PATJ: variants seen among roughly 807,000 people sequenced by gnomAD.
PATJ encodes the protein inaD-like protein.
In PATJ, 190 loss-of-function variants were observed where a neutral mutation model predicts 224.9. That is an observed-to-expected ratio of 0.84 (90% CI 0.75 to 0.95). PATJ has a LOEUF of 0.95. PATJ is among the 40% of genes least tolerant of loss of function. The pLI is 0.00. For synonymous variants in PATJ, 769 were observed against 820.3 expected, an observed-to-expected ratio of 0.94 and a Z score of 1.07; for missense variants, 2,121 against 2,270.3, an observed-to-expected ratio of 0.93 and a Z score of 1.34.
intron 11 of PATJ, among the ~76,000 whole-genome samples, chr1:61,797,920 A>C (rs1356055276): frequency 1.3e-5 from 2 of 151,512 alleles, no homozygotes; most frequent in Non-Finnish European, 2.9e-5. Flanking sequence ...CTCGTGCCTC[A>C]GCCTCCCAAG....
intron 1 of PATJ, among the ~76,000 whole-genome samples, chr1:61,743,004 G>A (rs1184053993): frequency 6.6e-6 from 1 of 152,154 alleles, no homozygotes; most frequent in African/African-American, 2.4e-5. Flanking sequence ...TTCGCTCCCA[G>A]AGCTGGGCGG....
chr1:62,095,009 T>C (rs1661230660), intron 33 of PATJ, among the ~76,000 whole-genome samples: 1 of 152,220 alleles, frequency 6.6e-6, no homozygotes, highest in African/African-American at 2.4e-5. Flanking sequence ...TGACCCTTGC[T>C]GACTTCCCTT....
intron 30 of PATJ, among the ~76,000 whole-genome samples, chr1:62,047,635 C>T (rs968473029): frequency 1.3e-5 from 2 of 152,180 alleles, no homozygotes; most frequent in African/African-American, 4.8e-5. Flanking sequence ...CAGAACTAGA[C>T]ACACTAAGGA....
intron 32 of PATJ, among the ~76,000 whole-genome samples, chr1:62,083,643 A>G (rs1040888376): frequency 2.0e-5 from 3 of 152,204 alleles, no homozygotes; most frequent in Non-Finnish European, 4.4e-5. Context: ...GAACCCCGCA[A>G]GTAATTTTTG....
At chr1:62,010,512 A>G (rs1646384158) in intron 28 of PATJ, among the ~76,000 whole-genome samples, 1 of 139,070 alleles carries the variant, frequency 7.2e-6, no homozygotes, top group African/African-American at 2.7e-5. Flanking sequence ...TTTAGCTCCC[A>G]CATATGAGTG....
chr1:62,143,845 T>C (rs768014137), intron 41 of PATJ, among the ~76,000 whole-genome samples: 27 of 152,058 alleles, frequency 1.8e-4, no homozygotes, highest in Non-Finnish European at 4.0e-4. Context: ...GGCCCAGGAC[T>C]GCACCATGAG....
At chr1:62,153,138 A>G (rs1005323805) in intron 42 of PATJ, among the ~76,000 whole-genome samples, 8 of 152,242 alleles carry the variant, frequency 5.3e-5, no homozygotes, top group Admixed American at 3.9e-4. Context: ...GTTTTATGAA[A>G]GAGAAACCTC....
chr1:62,159,713 C>G (rs1407937973), intron 43 of PATJ, among the ~76,000 whole-genome samples: 1 of 151,916 alleles, frequency 6.6e-6, no homozygotes, highest in African/African-American at 2.4e-5. Context: ...GCCACCACGC[C>G]TGGCTAATTT....
intron 27 of PATJ, among the ~76,000 whole-genome samples, chr1:61,984,056 C>A (rs1644597994): frequency 6.6e-6 from 1 of 151,922 alleles, no homozygotes; most frequent in Admixed American, 6.6e-5. Context: ...AATTCCTGCC[C>A]TTAAGCAATC....
chr1:61,911,454 C>T (rs893767167), intron 25 of PATJ, among the ~76,000 whole-genome samples: 3 of 152,008 alleles, frequency 2.0e-5, no homozygotes, highest in Non-Finnish European at 2.9e-5. Flanking sequence ...CCTCGTGATC[C>T]GCCCACCTCG....
At chr1:61,792,720 G>A (rs1284714651) in intron 9 of PATJ, among the ~76,000 whole-genome samples, 1 of 152,054 alleles carries the variant, frequency 6.6e-6, no homozygotes, top group Non-Finnish European at 1.5e-5. Flanking sequence ...AGCTGAGACA[G>A]GGTTTCACTA....
intron 14 of PATJ, among the ~76,000 whole-genome samples, chr1:61,814,547 T>TGTGTGTGTGTGTGCGCGC (rs370488022): frequency 2.1e-4 from 30 of 142,570 alleles, no homozygotes; most frequent in African/African-American, 8.1e-4. Flanking sequence ...TGTGTGTGTG[T>TGTGTGTGTGTGTGCGCGC]GCGCGCGCGC....
At chr1:62,144,361 T>A (rs1390447641) in intron 41 of PATJ, among the ~76,000 whole-genome samples, 1 of 152,168 alleles carries the variant, frequency 6.6e-6, no homozygotes, top group Non-Finnish European at 1.5e-5. Flanking sequence ...GGCAGGCCTA[T>A]TTTCTTTCTT....
chr1:61,924,882 C>T (rs114545438), intron 26 of PATJ, among the ~76,000 whole-genome samples: 1,755 of 152,266 alleles, frequency 0.012, 26 homozygotes, highest in South Asian at 0.063. Flanking sequence ...AAGAGCTGTT[C>T]TTTCCAGTAG....
At chr1:62,033,695 G>A (rs1209592096) in intron 29 of PATJ, among the ~76,000 whole-genome samples, 1 of 152,168 alleles carries the variant, frequency 6.6e-6, no homozygotes, top group Non-Finnish European at 1.5e-5. Flanking sequence ...GGTAAATACT[G>A]ATAGCTGGCC....
intron 28 of PATJ, among the ~76,000 whole-genome samples, chr1:61,999,560 C>CG (rs1558017778): frequency 2.0e-5 from 3 of 151,838 alleles, no homozygotes; most frequent in Non-Finnish European, 2.9e-5. Context: ...CTCAGCTACT[C>CG]GGGGGGCTGA....
At chr1:62,063,414 A>G (rs1386729318) in intron 31 of PATJ, among the ~76,000 whole-genome samples, 2 of 152,072 alleles carry the variant, frequency 1.3e-5, no homozygotes, top group Non-Finnish European at 2.9e-5. Flanking sequence ...ATAGCTATAT[A>G]GTATAGTTTG....
rs1388287813 is a variant in PATJ, at chr1:61,742,570, C to G, written c.-36+15C>G. 1 of 152,320 alleles carries G rather than the reference C, an allele frequency of 6.6e-6. No homozygotes were observed. The highest frequency in any genetic ancestry group is 1.5e-5 in the Non-Finnish European group (1 of 68,186). 9.4% of individuals were successfully genotyped at this position (152,320 alleles called of 1,614,324 possible). A position where few individuals can be genotyped will look rare whatever the true frequency, so the allele number is the denominator to read the frequency against. On this transcript the variant is annotated intron_variant, in intron 1 of 43. Coordinates refer to ENST00000642238, the MANE Select transcript of PATJ (RefSeq NM_001350145.3). The stretch of plus-strand genomic sequence containing the variant: ...CAGCGCACCAGGTAAAGCGTGAGGT[C>G]CCGGCTGTGCAGTGCGCGCTCGCCC...
At chr1:62,057,605 A>C (rs961188879) in intron 31 of PATJ, among the ~76,000 whole-genome samples, 1 of 152,216 alleles carries the variant, frequency 6.6e-6, no homozygotes, top group Non-Finnish European at 1.5e-5. Context: ...TCTTTGCAAA[A>C]ATCATGTAAA....
Sources: gnomAD v4.1 joint callset for allele counts (sites outside exome capture counted in the v4.1 genomes callset) on GRCh38, gnomAD v4.1.1 for gene constraint, MANE v1.5 for transcripts, NCBI Gene and HGNC (gene_info 2026-07-23, HGNC 2026-07-21) for gene names.